COL17A1: variants seen among roughly 807,000 people sequenced by gnomAD.
COL17A1 encodes collagen alpha-1(XVII) chain.
Under a neutral mutation model 218.4 loss-of-function variants are expected in COL17A1, and 181 were observed. The ratio of observed to expected loss-of-function variants is 0.83; its 90% CI spans 0.73 to 0.94. COL17A1 has a LOEUF of 0.94. Among genes scored for constraint, COL17A1 ranks in the 40% least tolerant of loss-of-function variants. The pLI is 0.00. For missense variants in COL17A1, 1,924 were observed against 1,945.9 expected, an observed-to-expected ratio of 0.99 and a Z score of 0.21; for synonymous variants, 721 against 731.0, an observed-to-expected ratio of 0.99 and a Z score of 0.22.
At position 104,034,233 on chromosome 10, in the gene COL17A1, G is replaced by A. The variant is rs150432542; in HGVS notation, c.3868C>T (p.Arg1290Trp). 123 of 1,611,584 alleles carry A rather than the reference G, an allele frequency of 7.6e-5. No homozygotes were observed. The African/African-American group carries it at 1.3e-3, about 17-fold the overall frequency. The change falls in exon 52 of 56, where the codon CGG (arginine) becomes TGG (tryptophan). Residue 1290 changes from arginine (R) to tryptophan (W), a missense_variant. Transcript: ENST00000648076. ...CTGTGTGAGGAGGAGCTGCTACCCC[G>A]ACTGTGGGAGGCATCCGTGGACAGG... ...RLLSTDASHS[R>W]GSSSSSHSSS...
At position 104,036,477 on chromosome 10, in the gene COL17A1, C is replaced by T. The variant is rs996846526; in HGVS notation, c.3418+15G>A. On this transcript the variant is annotated intron_variant, in intron 48 of 55. Transcript: ENST00000648076. ...TCCCAGGCCCTTCCCAACCACCCCT[C>T]CTGCAGACACTTACTCGACATGTAG... is the stretch of plus-strand genomic sequence containing the variant. 3.1e-6 allele frequency: 5 copies of T among 1,613,808 alleles called. No homozygotes were observed. Among genetic ancestry groups the T allele is most frequent in the Non-Finnish European group, 4.2e-6 (5 of 1,179,894 alleles).
intron 55 of COL17A1, 132 bp downstream of exon 55, chr10:104,032,542 G>A (rs1258681552): frequency 1.0e-6 from 1 of 981,440 alleles, no homozygotes; most frequent in Non-Finnish European, 1.6e-6. Context: ...GCTTTTGGCA[G>A]TGTCTGCCTG....
At position 104,039,063 on chromosome 10, in the gene COL17A1, G is replaced by T. The variant is rs567382550; in HGVS notation, c.2947+8C>A. On this transcript the variant is annotated splice_region_variant and intron_variant, in intron 44 of 55. Transcript: ENST00000648076. ...TGGAGAGGAACTTTGGTCACTTTCAGTTCTTACCTTCAGAAGGACCACTAG... is the reference window on the plus strand; with the variant it reads ...TGGAGAGGAACTTTGGTCACTTTCATTTCTTACCTTCAGAAGGACCACTAG... The T allele has an allele frequency of 3.1e-6, 5 of 1,613,920 alleles. No individual in the cohort carries two copies. The highest frequency in any genetic ancestry group is 1.3e-5 in the African/African-American group (1 of 75,016).
intron 20 of COL17A1, among the ~76,000 whole-genome samples, chr10:104,054,373 T>C (rs938722807): frequency 6.6e-6 from 1 of 152,240 alleles, no homozygotes; most frequent in African/African-American, 2.4e-5. Context: ...CTGTATTTTA[T>C]CTGACAACTG....
Position 104,076,125 on chromosome 10 carries a change from G to T in COL17A1, c.331+176C>A, listed in dbSNP as rs189535676. ...AATGGGTGAATGAATAAATAAATGA[G>T]GTAGTGAATGAATGAATGAAGTCTT... On this transcript the variant is annotated intron_variant, in intron 5 of 55. Transcript: ENST00000648076. Among the ~76,000 whole-genome samples, 63 of 152,302 alleles carry T rather than the reference G, an allele frequency of 4.1e-4. No homozygotes were observed. The Middle Eastern group carries it at 0.01, about 25-fold the overall frequency.
chr10:104,045,492 T>C (rs538650070), intron 33 of COL17A1, among the ~76,000 whole-genome samples: 1 of 151,158 alleles, frequency 6.6e-6, no homozygotes, highest in Admixed American at 6.6e-5. Flanking sequence ...TTCTAGAACC[T>C]CCTGTAACAG....
chr10:104,055,192 C>T, intron 19 of COL17A1, 180 bp downstream of exon 19: 1 of 1,402,998 alleles, frequency 7.1e-7, no homozygotes, highest in Non-Finnish European at 9.9e-7. Context: ...CTCTTAGATG[C>T]TGCCTTATCT....
chr10:104,051,415 T>C, intron 25 of COL17A1, 66 bp downstream of exon 25: 1 of 1,593,602 alleles, frequency 6.3e-7, no homozygotes, highest in South Asian at 1.1e-5. Context: ...AATATTTGGT[T>C]TTCCTTTTAA....
At chr10:104,071,236 G>C (rs2086666962) in intron 8 of COL17A1, among the ~76,000 whole-genome samples, 1 of 152,080 alleles carries the variant, frequency 6.6e-6, no homozygotes, top group Non-Finnish European at 1.5e-5. Context: ...GGCACTGTAT[G>C]CTGAAGGAAC....
At chr10:104,060,961 A>T (rs1305903501) in intron 13 of COL17A1, among the ~76,000 whole-genome samples, 1 of 152,216 alleles carries the variant, frequency 6.6e-6, no homozygotes, top group East Asian at 1.9e-4. Context: ...AAGACAACAC[A>T]CTAGGATTAG....
intron 36 of COL17A1, among the ~76,000 whole-genome samples, chr10:104,041,830 G>A (rs550381202): frequency 1.3e-5 from 2 of 152,330 alleles, no homozygotes; most frequent in South Asian, 4.1e-4. Flanking sequence ...TCAAACCCCT[G>A]CTCCCACACG....
intron 1 of COL17A1, among the ~76,000 whole-genome samples, chr10:104,081,927 T>G (rs1244218842): frequency 2.0e-5 from 3 of 152,138 alleles, no homozygotes; most frequent in Non-Finnish European, 4.4e-5. Context: ...TTTTAAAAAG[T>G]TTTTTGATGG....
intron 7 of COL17A1, among the ~76,000 whole-genome samples, chr10:104,072,599 C>T (rs948150993): frequency 1.3e-5 from 2 of 152,156 alleles, no homozygotes; most frequent in East Asian, 3.9e-4. Flanking sequence ...ATACTCCTAA[C>T]TTCCAAGTTA....
chr10:104,033,590 G>A (rs774641631), intron 52 of COL17A1, among the ~76,000 whole-genome samples: 1 of 152,336 alleles, frequency 6.6e-6, no homozygotes. Flanking sequence ...TGTTGACTGC[G>A]TAACTGTGCC....
In COL17A1 at chr10:104,034,631, G is replaced by C. The variant is rs1476975111; in HGVS notation, c.3756C>G (p.Ser1252Arg). ...NSDSFRSELISYLTSPDVRSF... is the reference protein window; with the variant it reads ...NSDSFRSELIRYLTSPDVRSF... ...CGTCGGGGCACCTACTTGTGAGGTAGCTGATCAGCTCGCTCCGGAAGCTGT... is the reference window on the plus strand; with the variant it reads ...CGTCGGGGCACCTACTTGTGAGGTACCTGATCAGCTCGCTCCGGAAGCTGT... The change falls in exon 51 of 56, where the codon AGC (serine) becomes AGG (arginine). Residue 1252 changes from serine (S) to arginine (R), a missense_variant. Transcript: ENST00000648076. 7 of 1,610,208 alleles carry C rather than the reference G, an allele frequency of 4.3e-6. No homozygotes were observed. In the Admixed American group the frequency reaches 1.2e-4, roughly 27 times the overall value.
chr10:104,074,262 T>C (rs2086691215), intron 5 of COL17A1, 31 bp from the exon 6 acceptor site: 2 of 1,613,962 alleles, frequency 1.2e-6, no homozygotes, highest in African/African-American at 1.3e-5. Flanking sequence ...TTAGAACAAA[T>C]GGCCTCTTAG....
intron 15 of COL17A1, among the ~76,000 whole-genome samples, chr10:104,058,506 G>A (rs1408825121): frequency 6.6e-6 from 1 of 152,184 alleles, no homozygotes; most frequent in Non-Finnish European, 1.5e-5. Context: ...AATAAGTGTG[G>A]TTGTGAGAAA....
At chr10:104,063,519 G>T (rs1215037485) in intron 11 of COL17A1, 1 of 612,496 alleles carries the variant, frequency 1.6e-6, no homozygotes, top group Non-Finnish European at 2.9e-6. Context: ...AAATAAAGGC[G>T]CCACCTTAGA....
Position 104,055,968 on chromosome 10 carries a change from C to A in COL17A1, c.1501G>T (p.Glu501Ter). 6.2e-7 allele frequency: 1 copy of A among 1,614,172 alleles called. No individual in the cohort carries two copies. Among genetic ancestry groups the A allele is most frequent in the Non-Finnish European group, 8.5e-7 (1 of 1,180,030 alleles). ...EVRKLKARVD[E>*]LERIRRSILP... ...ATGCTCCTCCTGATCCTCTCCAGCT[C>A]ATCCACACGCGCCTTCAGCTTCCTC... The change falls in exon 18 of 56, where the codon GAG becomes TAG. Residue 501 changes from glutamate to a stop codon, truncating the protein, a stop_gained. Coordinates refer to ENST00000648076, the MANE Select transcript of COL17A1 (RefSeq NM_000494.4). LOFTEE classifies it high-confidence loss of function.
Sources: gnomAD v4.1 joint callset for allele counts (sites outside exome capture counted in the v4.1 genomes callset) on GRCh38, gnomAD v4.1.1 for gene constraint, MANE v1.5 for transcripts, NCBI Gene and HGNC (gene_info 2026-07-23, HGNC 2026-07-21) for gene names.